Variants in FBXO9 observed in about 807,000 individuals in gnomAD.
The protein encoded by FBXO9 is F-box protein 9.
Under a neutral mutation model 63.7 loss-of-function variants are expected in FBXO9, and 43 were observed. That is an observed-to-expected ratio of 0.67 (90% CI 0.53 to 0.87). The LOEUF is 0.87. Among genes scored for constraint, FBXO9 ranks in the 40% least tolerant of loss-of-function variants. The probability of loss-of-function intolerance (pLI) is 0.00; values close to 1 mark genes in which losing one functional copy is unlikely to be tolerated. For synonymous variants in FBXO9, 156 were observed against 171.7 expected (o/e 0.91, Z 0.72); for missense variants, 442 against 533.2 (o/e 0.83, Z 1.68).
chr6:53,085,872 G>A (rs1762864777), intron 7 of FBXO9, among the ~76,000 whole-genome samples: 1 of 152,186 alleles, frequency 6.6e-6, no homozygotes, highest in Non-Finnish European at 1.5e-5. Flanking sequence ...AAAGTTGGCT[G>A]GGTGTGGTGG....
At chr6:53,086,417 G>A (rs916859153) in intron 7 of FBXO9, among the ~76,000 whole-genome samples, 7 of 152,176 alleles carry the variant, frequency 4.6e-5, no homozygotes, top group African/African-American at 9.7e-5. Context: ...TAAAGCACAG[G>A]CGTTATATTG....
chr6:53,095,324 G>GA (rs1051227284), intron 11 of FBXO9, among the ~76,000 whole-genome samples, 189 bp from the exon 12 acceptor site: 1 of 150,602 alleles, frequency 6.6e-6, no homozygotes, highest in Non-Finnish European at 1.5e-5. Flanking sequence ...TGATGATGGG[G>GA]AAAAAAATCT....
In FBXO9 at chr6:53,097,929, TATATA is replaced by T. The variant is rs1763262121; in HGVS notation, c.*100_*104del. On this transcript the variant is annotated 3_prime_UTR_variant, in exon 13 of 13. Transcript: ENST00000323557. ...ATGTGTGTGTGTGCGTGTGTGTGTA[TATATA>T]TATATATATATATATATATATATAT... is the stretch of plus-strand genomic sequence containing the variant. 1 of 2,216 alleles carries T rather than the reference TATATA, an allele frequency of 4.5e-4. No individual in the cohort carries two copies. Among genetic ancestry groups the T allele is most frequent in the African/African-American group, 8.7e-4 (1 of 1,150 alleles). The allele number at this position is 2,216 out of a possible 1,614,324, so 0.1% of individuals were successfully genotyped here.
chr6:53,071,153 T>C lies in FBXO9; in HGVS notation c.90+10T>C. Reference sequence around the variant, plus strand: ...TGAAACAGATCTGCAGGCATGTTTCTTCAATTGTGTCTTTGATTTTTATTC... The same window carrying C: ...TGAAACAGATCTGCAGGCATGTTTCCTCAATTGTGTCTTTGATTTTTATTC... On this transcript the variant is annotated intron_variant, in intron 2 of 12. Transcript: ENST00000323557. 6.5e-7 allele frequency: 1 copy of C among 1,549,560 alleles called. No homozygotes were observed. The highest frequency in any genetic ancestry group is 8.7e-7 in the Non-Finnish European group (1 of 1,144,416).
chr6:53,095,789 C>T (rs77528492), intron 12 of FBXO9, 125 bp downstream of exon 12: 1 of 770,584 alleles, frequency 1.3e-6, no homozygotes. Context: ...AAAACCAGTA[C>T]TACTACAAAC....
intron 11 of FBXO9, 28 bp from the exon 12 acceptor site, chr6:53,095,485 T>C (rs1201143414): frequency 3.2e-6 from 5 of 1,582,350 alleles, no homozygotes; most frequent in Admixed American, 3.7e-5. Context: ...AAGGTTTCAT[T>C]ATAACTTATG....
rs1342985058 is a variant in FBXO9, at chr6:53,098,843, A to G, written c.*1013A>G. 3 of 152,194 alleles carry G rather than the reference A, an allele frequency of 2.0e-5. No homozygotes were observed. The highest frequency in any genetic ancestry group is 7.2e-5 in the African/African-American group (3 of 41,416). 9.4% of individuals were successfully genotyped at this position (152,194 alleles called of 1,614,324 possible). On this transcript the variant is annotated 3_prime_UTR_variant, in exon 13 of 13. Transcript: ENST00000323557. ...GGGGGAGAGCACCAGCCACCTAGGAAAACTGTATGTTACCTTTTTACTCAA... is the reference window on the plus strand; with the variant it reads ...GGGGGAGAGCACCAGCCACCTAGGAGAACTGTATGTTACCTTTTTACTCAA...
intron 4 of FBXO9, among the ~76,000 whole-genome samples, chr6:53,077,001 C>CT (rs1284182239): frequency 2.0e-5 from 3 of 151,704 alleles, no homozygotes; most frequent in Non-Finnish European, 2.9e-5. Flanking sequence ...AGCAAAATAA[C>CT]TTTTTTTTAC....
chr6:53,065,837 G>A, intron 1 of FBXO9, 45 bp downstream of exon 1: 2 of 1,310,294 alleles, frequency 1.5e-6, no homozygotes, highest in South Asian at 2.1e-5. Flanking sequence ...CGGGGCGGGA[G>A]CGTGGTGTGC....
At chr6:53,097,237 T>G (rs1481384773) in intron 12 of FBXO9, among the ~76,000 whole-genome samples, 2 of 152,136 alleles carry the variant, frequency 1.3e-5, no homozygotes, top group Non-Finnish European at 2.9e-5. Flanking sequence ...CTGAAACATT[T>G]TAAGAAGAAC....
chr6:53,070,777 G>C, intron 1 of FBXO9: 1 of 380,398 alleles, frequency 2.6e-6, no homozygotes, highest in East Asian at 3.9e-5. Context: ...ATTTTTGGAT[G>C]GATGCAACTG....
chr6:53,087,644 GAC>G (rs1762932329), intron 7 of FBXO9, among the ~76,000 whole-genome samples: 2 of 152,146 alleles, frequency 1.3e-5, no homozygotes, highest in African/African-American at 4.8e-5. Context: ...GAGTGAAAAA[GAC>G]AGCATTTCCA....
intron 11 of FBXO9, 50 bp from the exon 12 acceptor site, chr6:53,095,461 CAT>C (rs1763182069): frequency 6.7e-7 from 1 of 1,498,272 alleles, no homozygotes; most frequent in Admixed American, 2.2e-5. Flanking sequence ...TTTCTGTAAA[CAT>C]AGAAGTGAGG....
At chr6:53,092,687 A>C in intron 8 of FBXO9, 47 bp from the exon 9 acceptor site, 1 of 1,456,450 alleles carries the variant, frequency 6.9e-7, no homozygotes, top group Non-Finnish European at 9.5e-7. Context: ...TAATGCTGGG[A>C]ATATCTGAAT....
chr6:53,070,544 C>A (rs1768877437), intron 1 of FBXO9, among the ~76,000 whole-genome samples: 1 of 151,870 alleles, frequency 6.6e-6, no homozygotes. Context: ...AGCAATACAA[C>A]AATAAAAAAT....
At chr6:53,074,085 C>T (rs1412122716) in intron 3 of FBXO9, among the ~76,000 whole-genome samples, 3 of 152,184 alleles carry the variant, frequency 2.0e-5, no homozygotes, top group South Asian at 2.1e-4. Flanking sequence ...GATCAGCTTA[C>T]AATAATGCAT....
intron 1 of FBXO9, among the ~76,000 whole-genome samples, chr6:53,068,545 C>T (rs1768791014): frequency 6.6e-6 from 1 of 151,872 alleles, no homozygotes. Context: ...ACTAAGCTTT[C>T]CTAGTACATA....
intron 1 of FBXO9, chr6:53,070,735 G>A (rs1768883801): frequency 3.5e-6 from 1 of 289,822 alleles, no homozygotes; most frequent in Non-Finnish European, 6.6e-6. Flanking sequence ...CTAATCACCT[G>A]TGGATACTGA....
rs1763279014 is a variant in FBXO9, at chr6:53,098,556, T to G, written c.*726T>G. 6.6e-6 allele frequency: 1 copy of G among 151,724 alleles called. No homozygotes were observed. Among genetic ancestry groups the G allele is most frequent in the Admixed American group, 6.6e-5 (1 of 15,234 alleles). 9.4% of individuals were successfully genotyped at this position (151,724 alleles called of 1,614,324 possible). A position where few individuals can be genotyped will look rare whatever the true frequency, so the allele number is the denominator to read the frequency against. On this transcript the variant is annotated 3_prime_UTR_variant, in exon 13 of 13. Transcript: ENST00000323557. ...AGGAATTTGAGTCTGGGAGTTTGAG[T>G]CCAGCATGGGCAACATAACAAGACC...
Sources: gnomAD v4.1 joint callset for allele counts (sites outside exome capture counted in the v4.1 genomes callset) on GRCh38, gnomAD v4.1.1 for gene constraint, MANE v1.5 for transcripts, NCBI Gene and HGNC (gene_info 2026-07-23, HGNC 2026-07-21) for gene names.